GXYLT1: variants seen among roughly 807,000 people sequenced by gnomAD.
GXYLT1 encodes glycosyltransferase 8 domain containing 3.
In GXYLT1, 29 loss-of-function variants were observed where a neutral mutation model predicts 54.0. That is an observed-to-expected ratio of 0.54 (90% CI 0.40 to 0.73). The LOEUF is 0.73. Ranked by LOEUF, GXYLT1 falls within the 30% of genes least tolerant of loss-of-function variation. The probability of loss-of-function intolerance (pLI) is 0.00; values close to 1 mark genes in which losing one functional copy is unlikely to be tolerated. For missense variants in GXYLT1, 490 were observed against 553.4 expected, an observed-to-expected ratio of 0.89 and a Z score of 1.15; for synonymous variants, 176 against 204.1, an observed-to-expected ratio of 0.86 and a Z score of 1.17.
chr12:42,135,347 G>A (rs191513950), intron 1 of GXYLT1, among the ~76,000 whole-genome samples: 3 of 152,260 alleles, frequency 2.0e-5, no homozygotes, highest in East Asian at 3.9e-4. Context: ...TAGATGTATG[G>A]GGTTGTTACA....
rs79714194 is a variant in GXYLT1, at chr12:42,090,886, T to C, written c.1162-2939A>G. On this transcript the variant is annotated intron_variant, in intron 7 of 7. Transcript: ENST00000398675. Reference sequence around the variant, plus strand: ...AGCCATAAAATGTTTTGTTCTGATTTTGAATTTGTAATTTTTAAACATTTT... The same window carrying C: ...AGCCATAAAATGTTTTGTTCTGATTCTGAATTTGTAATTTTTAAACATTTT... Among the ~76,000 whole-genome samples the C allele has an allele frequency of 6.2e-4, 94 of 152,380 alleles. 2 individuals are homozygous for C. In the East Asian group the frequency reaches 0.016, roughly 26 times the overall value.
At chr12:42,118,909 G>C in intron 3 of GXYLT1, 91 bp downstream of exon 3, 1 of 920,782 alleles carries the variant, frequency 1.1e-6, no homozygotes. Context: ...GTTATTTCTA[G>C]CAATGTGAAC....
chr12:42,115,675 G>C (rs1407574781), intron 3 of GXYLT1, among the ~76,000 whole-genome samples: 2 of 151,936 alleles, frequency 1.3e-5, no homozygotes, highest in Admixed American at 6.6e-5. Context: ...TGGGTAGGAA[G>C]AATCAATATC....
chr12:42,143,052 A>G (rs1355301104), intron 1 of GXYLT1, among the ~76,000 whole-genome samples: 1 of 152,210 alleles, frequency 6.6e-6, no homozygotes, highest in Non-Finnish European at 1.5e-5. Flanking sequence ...AAATAATTTT[A>G]TTAAAATTAG....
intron 1 of GXYLT1, 79 bp from the exon 2 acceptor site, chr12:42,129,930 G>A (rs958976106): frequency 8.5e-6 from 7 of 827,096 alleles, no homozygotes; most frequent in African/African-American, 3.4e-5. Flanking sequence ...TCAGTAACAC[G>A]ATAACTTACT....
chr12:42,090,196 A>C (rs2065321863), intron 7 of GXYLT1, among the ~76,000 whole-genome samples: 1 of 152,072 alleles, frequency 6.6e-6, no homozygotes, highest in Non-Finnish European at 1.5e-5. Context: ...CATCATATGA[A>C]AAAAGCAATC....
chr12:42,109,202 T>C (rs1157617443), intron 4 of GXYLT1, among the ~76,000 whole-genome samples: 1 of 152,196 alleles, frequency 6.6e-6, no homozygotes, highest in African/African-American at 2.4e-5. Flanking sequence ...CTCTAAATGC[T>C]GCCTACAAGT....
intron 1 of GXYLT1, among the ~76,000 whole-genome samples, chr12:42,130,631 A>G (rs1198349339): frequency 6.6e-6 from 1 of 152,166 alleles, no homozygotes; most frequent in Admixed American, 6.5e-5. Context: ...CTGTGTGTAT[A>G]TATACATACA....
intron 5 of GXYLT1, among the ~76,000 whole-genome samples, chr12:42,101,730 C>G (rs553721973): frequency 6.6e-6 from 1 of 152,186 alleles, no homozygotes; most frequent in South Asian, 2.1e-4. Context: ...TGCCACCATG[C>G]CTGGCTAATT....
chr12:42,125,689 C>G (rs936718228), intron 2 of GXYLT1, among the ~76,000 whole-genome samples: 4 of 152,138 alleles, frequency 2.6e-5, no homozygotes, highest in Admixed American at 1.3e-4. Flanking sequence ...AGGTGGCAGA[C>G]AGCTGAGGTG....
chr12:42,125,484 G>A (rs1239617244), intron 2 of GXYLT1, among the ~76,000 whole-genome samples: 2 of 152,198 alleles, frequency 1.3e-5, no homozygotes, highest in Admixed American at 6.5e-5. Context: ...AAGAAATGCA[G>A]ATCATTTAGA....
intron 4 of GXYLT1, among the ~76,000 whole-genome samples, chr12:42,108,332 T>C (rs1017265484): frequency 6.6e-6 from 1 of 152,210 alleles, no homozygotes; most frequent in Non-Finnish European, 1.5e-5. Context: ...TTATTGTTTT[T>C]TCAATACTAT....
chr12:42,144,198 C>A (rs1467473124), intron 1 of GXYLT1, among the ~76,000 whole-genome samples: 1 of 152,236 alleles, frequency 6.6e-6, no homozygotes. Flanking sequence ...CTTTAAAGGG[C>A]GCATGACTGG....
intron 2 of GXYLT1, among the ~76,000 whole-genome samples, chr12:42,126,769 G>C (rs1188298655): frequency 6.6e-6 from 1 of 151,602 alleles, no homozygotes; most frequent in Non-Finnish European, 1.5e-5. Flanking sequence ...TGTAGTCCCA[G>C]CTCAGGAGAC....
chr12:42,120,665 G>C (rs2065525376), intron 2 of GXYLT1, among the ~76,000 whole-genome samples: 1 of 150,720 alleles, frequency 6.6e-6, no homozygotes, highest in Non-Finnish European at 1.5e-5. Flanking sequence ...CAAGCAGCTG[G>C]GACCACAGAT....
chr12:42,144,333 C>T, intron 1 of GXYLT1, 93 bp downstream of exon 1: 1 of 765,846 alleles, frequency 1.3e-6, no homozygotes, highest in Non-Finnish European at 1.8e-6. Context: ...ACGCGGGAGA[C>T]GCGGCACCCA....
rs577919489 is a variant in GXYLT1, at chr12:42,106,604, AGCAAATGT to A, written c.613-543_613-536del. The stretch of plus-strand genomic sequence containing the variant: ...TCTAGGTTGTGTCCCAACGAATCAA[AGCAAATGT>A]GCACCTAGCAAGGGTAAAGGCTTGA... On this transcript the variant is annotated intron_variant, in intron 4 of 7. Transcript: ENST00000398675. 1.1e-3 allele frequency among the ~76,000 whole-genome samples: 168 copies of A among 152,310 alleles called. No homozygotes were observed. The East Asian group carries it at 0.017, about 15-fold the overall frequency.
chr12:42,116,425 A>C (rs902154424), intron 3 of GXYLT1, among the ~76,000 whole-genome samples: 2 of 152,220 alleles, frequency 1.3e-5, no homozygotes, highest in African/African-American at 4.8e-5. Flanking sequence ...AACTCAAAAC[A>C]AATTTACAAG....
At chr12:42,126,942 TATG>T (rs2065566067) in intron 2 of GXYLT1, among the ~76,000 whole-genome samples, 1 of 151,256 alleles carries the variant, frequency 6.6e-6, no homozygotes, top group East Asian at 1.9e-4. Context: ...TGTAAAAGCA[TATG>T]ATGATATGAA....
Sources: gnomAD v4.1 joint callset for allele counts (sites outside exome capture counted in the v4.1 genomes callset) on GRCh38, gnomAD v4.1.1 for gene constraint, MANE v1.5 for transcripts, NCBI Gene and HGNC (gene_info 2026-07-23, HGNC 2026-07-21) for gene names.